Variants in SCARB1 observed in about 807,000 individuals in gnomAD.
SCARB1 encodes CD36 and LIMPII analogous 1.
In SCARB1, 30 loss-of-function variants were observed where a neutral mutation model predicts 57.2. The ratio of observed to expected loss-of-function variants is 0.52; its 90% confidence interval spans 0.39 to 0.71. The LOEUF is 0.71. Among genes scored for constraint, SCARB1 ranks in the 30% least tolerant of loss-of-function variants. The pLI, the probability that SCARB1 is intolerant of heterozygous loss-of-function variation, is 0.00. For synonymous variants in SCARB1, 249 were observed against 268.3 expected (o/e 0.93, Z 0.70); for missense variants, 543 against 671.2 (o/e 0.81, Z 2.11).
intron 1 of SCARB1, among the ~76,000 whole-genome samples, chr12:124,849,027 T>C (rs1952282457): frequency 6.6e-6 from 1 of 152,200 alleles, no homozygotes; most frequent in African/African-American, 2.4e-5. Flanking sequence ...AAGCCCTATG[T>C]AGGAGACACT....
chr12:124,800,843 C>T lies in SCARB1; in HGVS notation c.1010-601G>A, dbSNP rs1229830772. On this transcript the variant is annotated intron_variant, in intron 7 of 12. Coordinates refer to ENST00000261693, the MANE Select transcript of SCARB1 (RefSeq NM_005505.5). The surrounding 1 kb of genome is among the most constrained non-coding windows in gnomAD (Gnocchi z 4.8). ...ACCAACCAAACCAGGCAAACACCAG[C>T]TCACCCTCGGGACAATGGACAACAG... Among the ~76,000 whole-genome samples the T allele has an allele frequency of 6.6e-6, 1 of 152,202 alleles. No homozygotes were observed. The highest frequency in any genetic ancestry group is 1.5e-5 in the Non-Finnish European group (1 of 68,044).
In SCARB1 at chr12:124,817,365, A is replaced by C. The variant is rs1205178226; in HGVS notation, c.284+185T>G. Among the ~76,000 whole-genome samples the C allele has an allele frequency of 6.6e-6, 1 of 150,802 alleles. No individual in the cohort carries two copies. On this transcript the variant is annotated intron_variant, in intron 2 of 12. Transcript: ENST00000261693. This position sits in a 1 kb window ranked among gnomAD's most constrained non-coding sequence, Gnocchi z 4.8. The stretch of plus-strand genomic sequence containing the variant: ...AAGATCCCATCTCTAAAAAAAAAAA[A>C]AAAAAAAAAAAAAACCCTAAAACAA...
At chr12:124,862,720 T>A (rs1442260316) in intron 1 of SCARB1, among the ~76,000 whole-genome samples, 1 of 151,914 alleles carries the variant, frequency 6.6e-6, no homozygotes, top group African/African-American at 2.4e-5. Flanking sequence ...CTAAATGGCT[T>A]TTAGTTCAAA....
At chr12:124,826,861 A>G (rs1247012607) in intron 1 of SCARB1, among the ~76,000 whole-genome samples, 2 of 152,224 alleles carry the variant, frequency 1.3e-5, no homozygotes, top group East Asian at 3.8e-4. Context: ...CAAACACATG[A>G]AATAATACTC....
At chr12:124,795,111 G>A in intron 9 of SCARB1, 84 bp downstream of exon 9, 1 of 1,147,820 alleles carries the variant, frequency 8.7e-7, no homozygotes, top group South Asian at 1.2e-5. Context: ...CCTGGGGTAT[G>A]TCACTGGAGT....
At chr12:124,846,885 AAC>A (rs1294318477) in intron 1 of SCARB1, among the ~76,000 whole-genome samples, 3 of 152,194 alleles carry the variant, frequency 2.0e-5, no homozygotes, top group Non-Finnish European at 4.4e-5. Flanking sequence ...CATATGAAGT[AAC>A]ACCAGCAAGA....
intron 1 of SCARB1, among the ~76,000 whole-genome samples, chr12:124,848,727 G>A (rs578029682): frequency 3.2e-4 from 49 of 152,364 alleles, no homozygotes; most frequent in Non-Finnish European, 4.3e-4. Context: ...AGAACGAGCC[G>A]TGGTACATCC....
At chr12:124,846,421 C>T (rs964487755) in intron 1 of SCARB1, among the ~76,000 whole-genome samples, 2 of 152,014 alleles carry the variant, frequency 1.3e-5, no homozygotes, top group African/African-American at 4.8e-5. Context: ...TGTGTCATAA[C>T]CCAGAAGTGA....
chr12:124,802,634 CG>C (rs1421643702), intron 7 of SCARB1, among the ~76,000 whole-genome samples: 2 of 152,196 alleles, frequency 1.3e-5, no homozygotes, highest in African/African-American at 4.8e-5. Flanking sequence ...GACCCACGCA[CG>C]TGTTTCTTCC....
intron 11 of SCARB1, 31 bp from the exon 12 acceptor site, chr12:124,782,842 AC>A (rs768594810): frequency 6.3e-5 from 102 of 1,613,244 alleles, no homozygotes; most frequent in Non-Finnish European, 8.1e-5. Flanking sequence ...TTTATAGTTG[AC>A]GTTGAAGCCA....
Position 124,786,388 on chromosome 12 carries a change from A to G in SCARB1, c.1370T>C (p.Leu457Pro). The stretch of plus-strand genomic sequence containing the variant: ...CCGGATTTGGCAGATGACAGGGACC[A>G]GCAGCAGGACGCAGCCCAGCGCCAG... ...VLLALGCVLLLVPVICQIRSQ... is the reference protein window; with the variant it reads ...VLLALGCVLLPVPVICQIRSQ... Residue 457 changes from leucine (L) to proline (P), a missense_variant, in exon 11 of 13, where the codon CTG becomes CCG. Leu to Pro is a moderately conservative substitution (Grantham distance 98, BLOSUM62 -3). Coordinates refer to ENST00000261693, the MANE Select transcript of SCARB1 (RefSeq NM_005505.5). The G allele has an allele frequency of 6.2e-7, 1 of 1,614,150 alleles. No individual in the cohort carries two copies. The highest frequency in any genetic ancestry group is 8.5e-7 in the Non-Finnish European group (1 of 1,180,040).
chr12:124,794,602 C>T (rs1205358992), intron 9 of SCARB1, among the ~76,000 whole-genome samples: 1 of 151,400 alleles, frequency 6.6e-6, no homozygotes, highest in South Asian at 2.1e-4. Context: ...GATTGAAGCT[C>T]TGGCTAATTG....
intron 9 of SCARB1, among the ~76,000 whole-genome samples, chr12:124,794,649 G>A (rs544142287): frequency 8.9e-4 from 136 of 152,318 alleles, no homozygotes; most frequent in Non-Finnish European, 1.2e-3. Context: ...GAAAAGTGAA[G>A]GCCGGGCACG....
intron 7 of SCARB1, among the ~76,000 whole-genome samples, chr12:124,803,689 CAAAAAAA>C (rs58564503): frequency 1.2e-3 from 59 of 47,704 alleles, no homozygotes; most frequent in South Asian, 1.6e-3. Context: ...CCCACCTCTA[CAAAAAAA>C]AAAAAAAAAA....
At chr12:124,832,895 T>G (rs11057842) in intron 1 of SCARB1, among the ~76,000 whole-genome samples, 2 of 152,012 alleles carry the variant, frequency 1.3e-5, no homozygotes, top group South Asian at 2.1e-4. Context: ...ACAAAGTTAT[T>G]ATCTTACAGT....
intron 12 of SCARB1, among the ~76,000 whole-genome samples, chr12:124,781,084 CACTCCACCCCAACATGGTCAG>C (rs915699850): frequency 6.6e-5 from 10 of 152,320 alleles, no homozygotes; most frequent in Admixed American, 1.3e-4. Context: ...CTAATATTAA[CACTCCACCCCAACATGGTCAG>C]ACTCCACCCC....
intron 1 of SCARB1, among the ~76,000 whole-genome samples, chr12:124,852,007 C>T (rs561355414): frequency 7.9e-5 from 12 of 152,194 alleles, no homozygotes; most frequent in African/African-American, 2.4e-4. Flanking sequence ...ACTCCCAGCC[C>T]CAGCCCCATC....
At chr12:124,803,984 G>A (rs1442703048) in intron 7 of SCARB1, among the ~76,000 whole-genome samples, 1 of 152,188 alleles carries the variant, frequency 6.6e-6, no homozygotes, top group East Asian at 1.9e-4. Flanking sequence ...AGAGAAGGCG[G>A]GACACACCTC....
At chr12:124,852,257 G>T (rs750070489) in intron 1 of SCARB1, among the ~76,000 whole-genome samples, 18 of 152,220 alleles carry the variant, frequency 1.2e-4, no homozygotes, top group Admixed American at 2.6e-4. Flanking sequence ...AGCCACCAAA[G>T]CTCAGACAGG....
Sources: gnomAD v4.1 joint callset for allele counts (sites outside exome capture counted in the v4.1 genomes callset) on GRCh38, gnomAD v4.1.1 for gene constraint, Gnocchi (gnomAD v3.1) non-coding constraint, MANE v1.5 for transcripts, NCBI Gene and HGNC (gene_info 2026-07-23, HGNC 2026-07-21) for gene names.